The following BARX2 variants were observed in gnomAD, a reference collection of about 807,000 sequenced individuals.
The protein encoded by BARX2 is homeobox protein BarH-like 2.
BARX2 carries 11 observed loss-of-function variants against 25.5 expected under a neutral mutation model. The ratio of observed to expected loss-of-function variants is 0.43; its 90% CI spans 0.27 to 0.71. The LOEUF (loss-of-function observed/expected upper bound fraction) is 0.71. Among genes scored for constraint, BARX2 ranks in the 30% least tolerant of loss-of-function variants. BARX2 has a pLI of 0.19. For synonymous variants in BARX2, 137 were observed against 149.5 expected (o/e 0.92, Z 0.61); for missense variants, 360 against 359.9 (o/e 1.00, Z 0.00).
chr11:129,376,937 C>T lies in BARX2; in HGVS notation c.187+715C>T, dbSNP rs1280413473. Among the ~76,000 whole-genome samples, 4 of 152,198 alleles carry T rather than the reference C, an allele frequency of 2.6e-5. No individual in the cohort carries two copies. On this transcript the variant is annotated intron_variant, in intron 1 of 3. Transcript: ENST00000281437. This position sits in a 1 kb window ranked among gnomAD's most constrained non-coding sequence, Gnocchi z 4.2. The stretch of plus-strand genomic sequence containing the variant: ...TAGTAAAGATAAAGAGAACTTAATA[C>T]ATATATTGAAAACGTAGTAGAGTTT...
At chr11:129,395,496 G>T (rs561971922) in intron 1 of BARX2, among the ~76,000 whole-genome samples, 12 of 152,284 alleles carry the variant, frequency 7.9e-5, no homozygotes, top group Non-Finnish European at 1.2e-4. Context: ...GATTGAGTTA[G>T]TGGGCCGTGA....
chr11:129,378,609 C>G (rs1356297794), intron 1 of BARX2, among the ~76,000 whole-genome samples: 4 of 123,058 alleles, frequency 3.3e-5, no homozygotes, highest in African/African-American at 1.2e-4. Flanking sequence ...ATGTTGAGCA[C>G]TGGTGGTGGA....
rs761719487 is a variant in BARX2 at position 129,390,406 on chromosome 11, CTCAG to C, written c.187+14189_187+14192del. Reference sequence around the variant, plus strand: ...GTTTTCTGAATTGTTGAAAATAGGACTCAGTCAGAGACATGGATCGTTGGCATCT... The same window carrying C: ...GTTTTCTGAATTGTTGAAAATAGGACTCAGAGACATGGATCGTTGGCATCT... On this transcript the variant is annotated intron_variant, in intron 1 of 3. Transcript: ENST00000281437. The surrounding 1 kb of genome is among the most constrained non-coding windows in gnomAD (Gnocchi z 4.3). Among the ~76,000 whole-genome samples, 1 of 152,152 alleles carries C rather than the reference CTCAG, an allele frequency of 6.6e-6. No individual in the cohort carries two copies. The highest frequency in any genetic ancestry group is 1.5e-5 in the Non-Finnish European group (1 of 68,026).
chr11:129,437,211 A>G (rs1199599229), intron 2 of BARX2, 160 bp downstream of exon 2: 2 of 832,582 alleles, frequency 2.4e-6, no homozygotes, highest in Non-Finnish European at 3.4e-6. Flanking sequence ...GGTTAACAGA[A>G]CCCAGCCCAC....
intron 1 of BARX2, among the ~76,000 whole-genome samples, chr11:129,384,150 G>A (rs1285268534): frequency 2.6e-5 from 4 of 152,014 alleles, no homozygotes; most frequent in South Asian, 2.1e-4. Context: ...GGAAGCCACC[G>A]CACCCGGCCA....
At position 129,440,822 on chromosome 11, in the gene BARX2, C is replaced by T. The variant is rs140331795; in HGVS notation, c.489-2013C>T. 1.9e-3 allele frequency among the ~76,000 whole-genome samples: 288 copies of T among 152,310 alleles called. 3 individuals carry two copies. The highest frequency in any genetic ancestry group is 3.3e-3 in the African/African-American group (136 of 41,574). ...GGAGAGCTGCAGCTGAAAACCCACACCTGAGACTCCCCATGGAGCAGGCAA... is the reference window on the plus strand; with the variant it reads ...GGAGAGCTGCAGCTGAAAACCCACATCTGAGACTCCCCATGGAGCAGGCAA... On this transcript the variant is annotated intron_variant, in intron 2 of 3. Coordinates refer to ENST00000281437, the MANE Select transcript of BARX2 (RefSeq NM_003658.5).
intron 1 of BARX2, among the ~76,000 whole-genome samples, chr11:129,387,155 T>G (rs1271800282): frequency 6.6e-6 from 1 of 152,256 alleles, no homozygotes; most frequent in East Asian, 1.9e-4. Context: ...CTGACACTTT[T>G]GCTTGTGCCT....
At chr11:129,449,540 G>A (rs889099710) in intron 3 of BARX2, among the ~76,000 whole-genome samples, 2 of 152,134 alleles carry the variant, frequency 1.3e-5, no homozygotes, top group African/African-American at 4.8e-5. Context: ...CCAAGCCAGT[G>A]GAGGAAGGAG....
At chr11:129,411,153 C>T (rs1043083219) in intron 1 of BARX2, among the ~76,000 whole-genome samples, 11 of 151,944 alleles carry the variant, frequency 7.2e-5, no homozygotes, top group East Asian at 1.9e-4. Flanking sequence ...GGGTGGATCA[C>T]GAGGTCAAGA....
intron 1 of BARX2, among the ~76,000 whole-genome samples, chr11:129,387,463 G>A (rs1423246966): frequency 6.6e-6 from 1 of 152,182 alleles, no homozygotes; most frequent in African/African-American, 2.4e-5. Context: ...TTCACTGAAA[G>A]AGAGAGAGAG....
At chr11:129,427,339 G>T (rs748113738) in intron 1 of BARX2, among the ~76,000 whole-genome samples, 2 of 152,194 alleles carry the variant, frequency 1.3e-5, no homozygotes, top group Non-Finnish European at 2.9e-5. Context: ...CTACCAGCCA[G>T]TTGGTAGGAA....
At chr11:129,394,320 T>C (rs1474717888) in intron 1 of BARX2, among the ~76,000 whole-genome samples, 1 of 152,238 alleles carries the variant, frequency 6.6e-6, no homozygotes, top group African/African-American at 2.4e-5. Context: ...TTTTGCTGCT[T>C]TGAACATGCT....
At chr11:129,438,393 G>A (rs1363089762) in intron 2 of BARX2, 1 of 151,728 alleles carries the variant, frequency 6.6e-6, no homozygotes, top group Non-Finnish European at 1.5e-5. Context: ...CTCTGGAGAT[G>A]GCTGAGCTAA....
chr11:129,443,002 T>C, intron 3 of BARX2, 83 bp downstream of exon 3: 1 of 1,269,888 alleles, frequency 7.9e-7, no homozygotes, highest in Non-Finnish European at 1.1e-6. Flanking sequence ...GGCCGGACCA[T>C]TTGGCAGTTT....
chr11:129,409,354 GT>G (rs1259661870), intron 1 of BARX2, among the ~76,000 whole-genome samples: 4 of 151,840 alleles, frequency 2.6e-5, no homozygotes, highest in Admixed American at 6.6e-5. Flanking sequence ...TCTTCAGTGT[GT>G]TTTTTTTAAG....
intron 1 of BARX2, among the ~76,000 whole-genome samples, chr11:129,414,200 T>A (rs1391747486): frequency 6.6e-6 from 1 of 151,858 alleles, no homozygotes; most frequent in Non-Finnish European, 1.5e-5. Flanking sequence ...CTTCAGAGAC[T>A]TTTAAGGAAA....
upstream of BARX2, among the ~76,000 whole-genome samples, chr11:129,375,240 G>A (rs1235056573): frequency 6.6e-6 from 1 of 152,148 alleles, no homozygotes; most frequent in East Asian, 1.9e-4. The surrounding 1 kb of genome is among the most constrained non-coding windows in gnomAD (Gnocchi z 4.0). Context: ...GCTCAGCGCG[G>A]GCTGCGAGAC....
intron 3 of BARX2, 105 bp downstream of exon 3, chr11:129,443,024 A>C: frequency 1.0e-6 from 1 of 985,916 alleles, no homozygotes; most frequent in Non-Finnish European, 1.6e-6. Flanking sequence ...GGCTGCAGAG[A>C]TTGGAAGGCC....
At position 129,451,265 on chromosome 11, in the gene BARX2, G is replaced by C. The variant is rs1299215439; in HGVS notation, c.703G>C (p.Glu235Gln). ...CCAGGCCCAGGGTCAGGAGCAGCTG[G>C]AGCCCTCTCAGGGGCAGGAGGAGCT... ...NSQAQGQEQL[E>Q]PSQGQEELCE... is the part of the protein sequence containing the mutation. Residue 235 changes from glutamate (E) to glutamine (Q), a missense_variant, in exon 4 of 4, where the codon GAG (glutamate) becomes CAG (glutamine). Glu to Gln is a conservative substitution (Grantham distance 29). Around this residue, in one of 3 missense-constraint regions of BARX2, gnomAD observed 114 missense variants for 109.4 expected, o/e 1.04. Coordinates refer to ENST00000281437, the MANE Select transcript of BARX2 (RefSeq NM_003658.5). 6.2e-7 allele frequency: 1 copy of C among 1,614,148 alleles called. No homozygotes were observed. The highest frequency in any genetic ancestry group is 8.5e-7 in the Non-Finnish European group (1 of 1,180,020).
Sources: gnomAD v4.1 joint callset for allele counts (sites outside exome capture counted in the v4.1 genomes callset) on GRCh38, gnomAD v4.1.1 for gene constraint, gnomAD v4.1.1 regional missense constraint, Gnocchi (gnomAD v3.1) non-coding constraint, MANE v1.5 for transcripts, NCBI Gene and HGNC (gene_info 2026-07-23, HGNC 2026-07-21) for gene names.